DNAJC1: variants seen among roughly 807,000 people sequenced by gnomAD.
DNAJC1 encodes dnaJ homolog subfamily C member 1.
Under a neutral mutation model 76.6 loss-of-function variants are expected in DNAJC1, and 58 were observed. That is an observed-to-expected ratio of 0.76 (90% CI 0.61 to 0.94). The LOEUF (loss-of-function observed/expected upper bound fraction) is 0.94. Among genes scored for constraint, DNAJC1 ranks in the 40% least tolerant of loss-of-function variants. The pLI is 0.00. For missense variants in DNAJC1, 689 were observed against 677.3 expected (o/e 1.02, Z -0.19); for synonymous variants, 258 against 267.9 (o/e 0.96, Z 0.36).
intron 6 of DNAJC1, among the ~76,000 whole-genome samples, chr10:21,908,145 T>TAATATATAATATATAAA (rs1836784197): frequency 9.4e-6 from 1 of 106,468 alleles, no homozygotes; most frequent in African/African-American, 3.9e-5. Context: ...TAAAAATATA[T>TAATATATAATATATAAA]AATATATAAT....
intron 7 of DNAJC1, among the ~76,000 whole-genome samples, chr10:21,886,193 C>G (rs1000258747): frequency 1.3e-5 from 2 of 152,116 alleles, no homozygotes; most frequent in African/African-American, 4.8e-5. Context: ...ACAGAAACTA[C>G]TACAGAAACC....
chr10:21,913,631 A>G (rs192150198), intron 6 of DNAJC1, among the ~76,000 whole-genome samples: 1 of 152,266 alleles, frequency 6.6e-6, no homozygotes, highest in African/African-American at 2.4e-5. Context: ...AATACCCAAG[A>G]AGGGCATTTT....
intron 9 of DNAJC1, among the ~76,000 whole-genome samples, chr10:21,803,274 C>T (rs1342386619): frequency 3.3e-5 from 5 of 151,948 alleles, no homozygotes; most frequent in Non-Finnish European, 7.4e-5. Context: ...GCAAGGAAAC[C>T]CGGTCAAAGA....
At chr10:21,966,669 C>T (rs1015372054) in intron 1 of DNAJC1, among the ~76,000 whole-genome samples, 1 of 147,342 alleles carries the variant, frequency 6.8e-6, no homozygotes, top group Admixed American at 6.9e-5. Context: ...TTCTTTTGCC[C>T]ACCTCTTTCT....
chr10:21,824,389 T>C (rs922890343), intron 8 of DNAJC1, among the ~76,000 whole-genome samples: 10 of 152,150 alleles, frequency 6.6e-5, no homozygotes, highest in African/African-American at 2.4e-4. Flanking sequence ...TATTTACAGG[T>C]ATACAAACAT....
At chr10:21,977,655 G>C (rs936465942) in intron 1 of DNAJC1, among the ~76,000 whole-genome samples, 1 of 152,080 alleles carries the variant, frequency 6.6e-6, no homozygotes, top group African/African-American at 2.4e-5. Flanking sequence ...CAATTATTAA[G>C]CTTTTTTCAC....
intron 1 of DNAJC1, among the ~76,000 whole-genome samples, chr10:21,943,848 A>C (rs978354555): frequency 2.6e-5 from 4 of 152,162 alleles, no homozygotes; most frequent in African/African-American, 2.4e-5. Context: ...ATAGTCAGGA[A>C]AGTGAGAAAG....
chr10:21,906,537 T>G (rs769773997), intron 6 of DNAJC1, among the ~76,000 whole-genome samples: 13 of 152,108 alleles, frequency 8.5e-5, no homozygotes, highest in Non-Finnish European at 1.6e-4. Flanking sequence ...GTAGGAAATG[T>G]GGCACATGCA....
intron 4 of DNAJC1, among the ~76,000 whole-genome samples, chr10:21,920,355 T>G (rs1397478041): frequency 6.6e-6 from 1 of 151,990 alleles, no homozygotes; most frequent in Admixed American, 6.6e-5. Flanking sequence ...CCAAGAAAAG[T>G]GTAATAATTT....
chr10:21,812,938 A>G (rs969002930), intron 8 of DNAJC1, among the ~76,000 whole-genome samples: 4 of 151,152 alleles, frequency 2.6e-5, no homozygotes, highest in Non-Finnish European at 5.9e-5. Flanking sequence ...CACAGTGGCT[A>G]GGGCTGACAT....
chr10:21,827,044 T>C (rs1366262592), intron 8 of DNAJC1, among the ~76,000 whole-genome samples: 6 of 152,152 alleles, frequency 3.9e-5, no homozygotes, highest in Admixed American at 3.9e-4. Flanking sequence ...TGGGTAGTAT[T>C]GTCATTTTAA....
intron 8 of DNAJC1, among the ~76,000 whole-genome samples, chr10:21,837,067 C>A (rs113311567): frequency 1.3e-5 from 2 of 152,250 alleles, no homozygotes; most frequent in Admixed American, 1.3e-4. Flanking sequence ...TGCGCCGCCA[C>A]GCCTGACTGG....
At chr10:21,909,506 C>G (rs1337271391) in intron 6 of DNAJC1, among the ~76,000 whole-genome samples, 1 of 152,126 alleles carries the variant, frequency 6.6e-6, no homozygotes, top group African/African-American at 2.4e-5. Flanking sequence ...TCTGTGAGAA[C>G]AGGAATTGTT....
chr10:21,927,739 T>G (rs1284625163), intron 3 of DNAJC1, among the ~76,000 whole-genome samples: 2 of 152,158 alleles, frequency 1.3e-5, no homozygotes, highest in Non-Finnish European at 2.9e-5. Context: ...TGGTCTGACT[T>G]AAAAAACTTA....
chr10:21,901,339 C>T (rs1414411032), intron 7 of DNAJC1, among the ~76,000 whole-genome samples: 1 of 152,120 alleles, frequency 6.6e-6, no homozygotes, highest in African/African-American at 2.4e-5. Flanking sequence ...GTAAGTCAAA[C>T]ATGTCTTTTT....
At position 21,759,210 on chromosome 10, in the gene DNAJC1, C is replaced by G. The variant is rs1047566210; in HGVS notation, c.1556G>C (p.Arg519Pro). Residue 519 changes from arginine (R) to proline (P), a missense_variant, in exon 11 of 12, where the codon CGC becomes CCC. By Grantham distance (103) the Arg-to-Pro change is moderately radical. Coordinates refer to ENST00000376980, the MANE Select transcript of DNAJC1 (RefSeq NM_022365.4). Reference sequence around the variant, plus strand: ...GACACATCTGGCTATTTTGTCCCAGCGGTCAGAGGATCCCCTTGGGTACTG... The same window carrying G: ...GACACATCTGGCTATTTTGTCCCAGGGGTCAGAGGATCCCCTTGGGTACTG... ...LQQYPRGSSDRWDKIARCVPS... is the reference protein window; with the variant it reads ...LQQYPRGSSDPWDKIARCVPS... 6.2e-7 allele frequency: 1 copy of G among 1,614,144 alleles called. No individual in the cohort carries two copies. The highest frequency in any genetic ancestry group is 8.5e-7 in the Non-Finnish European group (1 of 1,180,024).
intron 11 of DNAJC1, 139 bp downstream of exon 11, chr10:21,759,030 TG>T: frequency 1.1e-6 from 1 of 874,742 alleles, no homozygotes; most frequent in Non-Finnish European, 1.8e-6. Flanking sequence ...AGAAATATAC[TG>T]GAAGATAAAT....
chr10:21,822,845 A>G (rs1174258648), intron 8 of DNAJC1, among the ~76,000 whole-genome samples: 1 of 151,862 alleles, frequency 6.6e-6, no homozygotes, highest in Non-Finnish European at 1.5e-5. Context: ...AAAGATCAGG[A>G]TAAGTGATTT....
intron 8 of DNAJC1, among the ~76,000 whole-genome samples, chr10:21,873,156 T>G (rs1009135897): frequency 6.6e-6 from 1 of 151,714 alleles, no homozygotes; most frequent in African/African-American, 2.4e-5. Flanking sequence ...CCCCTTAGAG[T>G]TGTAAGCCCT....
Sources: gnomAD v4.1 joint callset for allele counts (sites outside exome capture counted in the v4.1 genomes callset) on GRCh38, gnomAD v4.1.1 for gene constraint, MANE v1.5 for transcripts, NCBI Gene and HGNC (gene_info 2026-07-23, HGNC 2026-07-21) for gene names.